The following ZEB2 variants were observed in gnomAD, a reference collection of about 807,000 sequenced individuals.
The protein encoded by ZEB2 is zinc finger E-box-binding homeobox 2.
In ZEB2, 6 loss-of-function variants were observed where a neutral mutation model predicts 99.9. That is an observed-to-expected ratio of 0.06 (90% CI 0.03 to 0.12). The LOEUF (loss-of-function observed/expected upper bound fraction) is 0.12. ZEB2 is among the 10% of genes least tolerant of loss of function. The pLI is 1.00. For synonymous variants in ZEB2, 517 were observed against 542.5 expected, an observed-to-expected ratio of 0.95 and a Z score of 0.65; for missense variants, 969 against 1,502.8, an observed-to-expected ratio of 0.64 and a Z score of 5.87.
At chr2:144,415,578 C>G (rs1281875463) in intron 4 of ZEB2, among the ~76,000 whole-genome samples, 1 of 152,220 alleles carries the variant, frequency 6.6e-6, no homozygotes, top group Admixed American at 6.5e-5. Context: ...CAGGGCCATT[C>G]CTGCTTTCAT....
At chr2:144,479,683 T>TTGG (rs1491434208) in intron 2 of ZEB2, among the ~76,000 whole-genome samples, 1 of 52,548 alleles carries the variant, frequency 1.9e-5, no homozygotes, top group African/African-American at 5.9e-5. Context: ...TACTTTTTTT[T>TTGG]GGGGGGGGGG....
intron 8 of ZEB2, among the ~76,000 whole-genome samples, chr2:144,397,596 C>G (rs1456634290): frequency 6.6e-6 from 1 of 152,060 alleles, no homozygotes; most frequent in Non-Finnish European, 1.5e-5. Context: ...ACAAATGTAC[C>G]TATTAAAATG....
intron 4 of ZEB2, among the ~76,000 whole-genome samples, chr2:144,417,688 A>AGG (rs895644443): frequency 3.9e-5 from 6 of 152,194 alleles, no homozygotes; most frequent in African/African-American, 1.4e-4. Flanking sequence ...TGAGGAGAGT[A>AGG]GGGGGAAGGG....
chr2:144,469,462 C>T, intron 2 of ZEB2, among the ~76,000 whole-genome samples: 1 of 152,240 alleles, frequency 6.6e-6, no homozygotes, highest in South Asian at 2.1e-4. Flanking sequence ...GCTACAGACT[C>T]CCAATTAGTC....
chr2:144,495,844 T>G (rs1366906122), intron 2 of ZEB2: 1 of 152,222 alleles, frequency 6.6e-6, no homozygotes, highest in African/African-American at 2.4e-5. Context: ...GCTCCCTATA[T>G]GCAGAAAAGA....
intron 4 of ZEB2, among the ~76,000 whole-genome samples, chr2:144,414,544 A>G (rs1354921971): frequency 1.3e-5 from 2 of 152,078 alleles, no homozygotes; most frequent in African/African-American, 4.8e-5. Flanking sequence ...TCATGCTTCC[A>G]GTAAAATTTC....
intron 2 of ZEB2, among the ~76,000 whole-genome samples, chr2:144,484,879 G>A (rs1704572139): frequency 1.3e-5 from 2 of 151,996 alleles, no homozygotes; most frequent in Admixed American, 1.3e-4. Context: ...AAACACAGGA[G>A]CAGTAAAACC....
In ZEB2 at chr2:144,389,630, C is replaced by A. The variant is rs776351453; in HGVS notation, c.3466G>T (p.Gly1156Cys). ...TCTTCCTCCTCGAACTCCTCGTCGC[C>A]ATCCTGTCTGCCCAGCTTCCCGTAG... Reference protein sequence around the residue: ...DGYGKLGRQDGDEEFEEEEEE... With the variant: ...DGYGKLGRQDCDEEFEEEEEE... The change falls in exon 10 of 10, where the codon GGC becomes TGC. Residue 1156 changes from glycine to cysteine, a missense_variant. By Grantham distance (159) the Gly-to-Cys change is radical. Around this residue, in one of 8 missense-constraint regions of ZEB2, gnomAD observed 121 missense variants for 166.4 expected, o/e 0.73. Transcript: ENST00000627532. This position sits in a 1 kb window ranked among gnomAD's most constrained non-coding sequence, Gnocchi z 6.8. The A allele has an allele frequency of 3.7e-6, 6 of 1,614,100 alleles. No individual in the cohort carries two copies. The Admixed American group carries it at 1.0e-4, about 27-fold the overall frequency.
chr2:144,452,342 C>T (rs1214885129), intron 2 of ZEB2, among the ~76,000 whole-genome samples: 1 of 151,676 alleles, frequency 6.6e-6, no homozygotes, highest in Non-Finnish European at 1.5e-5. Flanking sequence ...GAAGCTCTGA[C>T]TTAATGCCAA....
intron 2 of ZEB2, among the ~76,000 whole-genome samples, chr2:144,505,030 T>C (rs1489594459): frequency 1.3e-5 from 2 of 152,158 alleles, no homozygotes; most frequent in Non-Finnish European, 2.9e-5. Flanking sequence ...GTTTATCTAT[T>C]TCTTAGAGAT....
intron 2 of ZEB2, among the ~76,000 whole-genome samples, chr2:144,465,607 A>G (rs1704261141): frequency 6.6e-6 from 1 of 152,176 alleles, no homozygotes; most frequent in South Asian, 2.1e-4. Flanking sequence ...TGGATTTCAC[A>G]TAAGGAGACT....
chr2:144,511,159 T>G (rs546445134), intron 2 of ZEB2, among the ~76,000 whole-genome samples: 1 of 152,370 alleles, frequency 6.6e-6, no homozygotes, highest in Non-Finnish European at 1.5e-5. Context: ...CAACTTCTAA[T>G]AACTGTTGTT....
intron 6 of ZEB2, among the ~76,000 whole-genome samples, 176 bp downstream of exon 6, chr2:144,403,740 A>C (rs1375541062): frequency 1.3e-5 from 2 of 152,232 alleles, no homozygotes; most frequent in Non-Finnish European, 2.9e-5. Context: ...TAAGACTATT[A>C]AATCATATTA....
intron 2 of ZEB2, among the ~76,000 whole-genome samples, chr2:144,487,871 GT>G (rs1471817252): frequency 5.7e-4 from 87 of 152,316 alleles, no homozygotes; most frequent in African/African-American, 2.0e-3. Context: ...AATACTCAAA[GT>G]TGAACTTTTA....
chr2:144,469,040 C>T (rs1455581570), intron 2 of ZEB2, among the ~76,000 whole-genome samples: 5 of 152,220 alleles, frequency 3.3e-5, no homozygotes, highest in African/African-American at 9.6e-5. Flanking sequence ...TTCTTTCTGA[C>T]ACTAATCTGT....
At chr2:144,472,409 G>A (rs1038062759) in intron 2 of ZEB2, among the ~76,000 whole-genome samples, 4 of 152,070 alleles carry the variant, frequency 2.6e-5, no homozygotes, top group Non-Finnish European at 5.9e-5. Context: ...TTACATGCAA[G>A]GATAATATGG....
intron 4 of ZEB2, among the ~76,000 whole-genome samples, chr2:144,413,762 T>C (rs539691433): frequency 6.6e-6 from 1 of 152,314 alleles, no homozygotes; most frequent in South Asian, 2.1e-4. Context: ...TTTGTACAAT[T>C]GATTAACATT....
intron 2 of ZEB2, among the ~76,000 whole-genome samples, chr2:144,466,216 C>T (rs1296526108): frequency 1.3e-5 from 2 of 152,166 alleles, no homozygotes; most frequent in African/African-American, 4.8e-5. Context: ...TGTTAACTAT[C>T]ACTATGCCAG....
At chr2:144,498,045 T>A (rs189239308) in intron 2 of ZEB2, among the ~76,000 whole-genome samples, 1,931 of 20,650 alleles carry the variant, frequency 0.094, 253 homozygotes, top group South Asian at 0.16. Flanking sequence ...TATATTAATA[T>A]TATATATTAT....
Sources: gnomAD v4.1 joint callset for allele counts (sites outside exome capture counted in the v4.1 genomes callset) on GRCh38, gnomAD v4.1.1 for gene constraint, gnomAD v4.1.1 regional missense constraint, Gnocchi (gnomAD v3.1) non-coding constraint, MANE v1.5 for transcripts, NCBI Gene and HGNC (gene_info 2026-07-23, HGNC 2026-07-21) for gene names.